The following ZNF536 variants were observed in gnomAD, a reference collection of about 807,000 sequenced individuals.
The protein encoded by ZNF536 is zinc finger protein 536.
A neutral mutation model predicts 84.5 loss-of-function variants in ZNF536; 13 were observed. That is an observed-to-expected ratio of 0.15 (90% CI 0.10 to 0.24). The LOEUF is 0.24. Among genes scored for constraint, ZNF536 ranks in the 10% least tolerant of loss-of-function variants. ZNF536 has a pLI of 1.00. For synonymous variants in ZNF536, 811 were observed against 742.5 expected (o/e 1.09, Z -1.50); for missense variants, 1,536 against 1,747.5 (o/e 0.88, Z 2.16).
At chr19:30,511,688 A>G (rs565981800) in intron 2 of ZNF536, among the ~76,000 whole-genome samples, 1 of 152,356 alleles carries the variant, frequency 6.6e-6, no homozygotes, top group African/African-American at 2.4e-5. Flanking sequence ...CACATGTAAA[A>G]TTTTAAATAT....
chr19:30,561,024 C>T (rs145980482), downstream of ZNF536, among the ~76,000 whole-genome samples: 1 of 152,196 alleles, frequency 6.6e-6, no homozygotes, highest in Non-Finnish European at 1.5e-5. Flanking sequence ...GTTTGTCTTT[C>T]ATGTTCTTTG....
At chr19:30,316,110 G>A (rs1449142172) in intron 2 of ZNF536, among the ~76,000 whole-genome samples, 1 of 152,162 alleles carries the variant, frequency 6.6e-6, no homozygotes, top group Non-Finnish European at 1.5e-5. Context: ...AAACAAGTTT[G>A]GGTATTTCTG....
chr19:30,618,912 T>G (rs1484655789), intron 1 of ZNF536, among the ~76,000 whole-genome samples: 2 of 152,154 alleles, frequency 1.3e-5, no homozygotes, highest in African/African-American at 4.8e-5. Context: ...CTTTGGGGTT[T>G]TGTTACTTTT....
At chr19:30,608,851 G>C (rs1256558898) in intron 1 of ZNF536, among the ~76,000 whole-genome samples, 1 of 152,194 alleles carries the variant, frequency 6.6e-6, no homozygotes. Context: ...TGCCTAAGGA[G>C]TGGGCATGGG....
intron 2 of ZNF536, among the ~76,000 whole-genome samples, chr19:30,530,914 C>G (rs969129181): frequency 6.6e-6 from 1 of 152,182 alleles, no homozygotes; most frequent in Non-Finnish European, 1.5e-5. Context: ...CACACACATC[C>G]TCACCAGCAC....
At chr19:30,497,203 G>C (rs974437844) in intron 2 of ZNF536, among the ~76,000 whole-genome samples, 3 of 152,158 alleles carry the variant, frequency 2.0e-5, no homozygotes, top group African/African-American at 7.2e-5. Flanking sequence ...TGAGCGGCTT[G>C]AGTCATCAAT....
chr19:30,644,082 T>C (rs572157215), intron 1 of ZNF536, among the ~76,000 whole-genome samples: 1 of 152,348 alleles, frequency 6.6e-6, no homozygotes, highest in Non-Finnish European at 1.5e-5. Context: ...GAGCCACAGA[T>C]AACAAGTGAG....
At chr19:30,314,592 T>G (rs908724242) in intron 2 of ZNF536, among the ~76,000 whole-genome samples, 6 of 152,112 alleles carry the variant, frequency 3.9e-5, no homozygotes, top group African/African-American at 1.4e-4. Context: ...GCTCAGCTGT[T>G]GGACTCATGT....
At chr19:30,699,334 T>G (rs971581685) in intron 1 of ZNF536, among the ~76,000 whole-genome samples, 1 of 152,206 alleles carries the variant, frequency 6.6e-6, no homozygotes, top group African/African-American at 2.4e-5. Context: ...CACATCTATA[T>G]TATAAATATG....
At chr19:30,454,138 G>A (rs1346761203) in intron 2 of ZNF536, among the ~76,000 whole-genome samples, 4 of 152,248 alleles carry the variant, frequency 2.6e-5, no homozygotes, top group African/African-American at 9.6e-5. Flanking sequence ...GAACCTTTCA[G>A]TTTTACTCTG....
intron 1 of ZNF536, among the ~76,000 whole-genome samples, chr19:30,606,161 A>T (rs1354938412): frequency 2.8e-5 from 3 of 108,822 alleles, no homozygotes; most frequent in African/African-American, 1.1e-4. Flanking sequence ...CTCTAAAAAT[A>T]AAATAAAATA....
chr19:30,673,570 T>C (rs2147754378), intron 1 of ZNF536, among the ~76,000 whole-genome samples: 1 of 152,234 alleles, frequency 6.6e-6, no homozygotes, highest in East Asian at 1.9e-4. Context: ...CAGGCACATC[T>C]TAAATAAAAG....
At chr19:30,357,373 G>A (rs914965258) in intron 3 of ZNF536, among the ~76,000 whole-genome samples, 5 of 152,324 alleles carry the variant, frequency 3.3e-5, no homozygotes, top group East Asian at 1.9e-4. Context: ...GTAGGCCAGC[G>A]TGGCCAGACA....
At position 30,548,989 on chromosome 19, in the gene ZNF536, T is replaced by A. The variant is rs2146230330; in HGVS notation, c.3370T>A (p.Ser1124Thr). The change falls in exon 4 of 5, where the codon TCA becomes ACA. Residue 1124 changes from serine to threonine, a missense_variant. Physicochemically the swap from Ser to Thr is moderately conservative, Grantham distance 58 (BLOSUM62 1). Transcript: ENST00000355537. ...QFGVYPGMVG[S>T]GASSSCPNKE... is the part of the protein sequence containing the mutation. ...TGGTGTTTACCCAGGCATGGTTGGC[T>A]CAGGGGCCTCCAGTTCCTGCCCCAA... 1 of 1,614,112 alleles carries A rather than the reference T, an allele frequency of 6.2e-7. No homozygotes were observed. The highest frequency in any genetic ancestry group is 8.5e-7 in the Non-Finnish European group (1 of 1,180,016).
chr19:30,508,390 C>T (rs1360598987), intron 2 of ZNF536, among the ~76,000 whole-genome samples: 1 of 152,182 alleles, frequency 6.6e-6, no homozygotes, highest in East Asian at 1.9e-4. Flanking sequence ...TTCTTCTGGT[C>T]ACTCTCCTTC....
chr19:30,483,972 C>A (rs971810395), intron 2 of ZNF536, among the ~76,000 whole-genome samples: 2 of 152,020 alleles, frequency 1.3e-5, no homozygotes, highest in Non-Finnish European at 2.9e-5. Context: ...GGAAATCCCC[C>A]TCTACCTCAC....
chr19:30,672,430 C>T (rs1157035209), intron 1 of ZNF536, among the ~76,000 whole-genome samples: 5 of 152,184 alleles, frequency 3.3e-5, no homozygotes, highest in African/African-American at 4.8e-5. Context: ...GCTAAGAGGG[C>T]TTTGAGAGCT....
At chr19:30,553,535 G>A (rs1190933016) in intron 4 of ZNF536, among the ~76,000 whole-genome samples, 1 of 152,194 alleles carries the variant, frequency 6.6e-6, no homozygotes, top group Non-Finnish European at 1.5e-5. Context: ...GTGGACCCAG[G>A]GGTAGGCAGG....
chr19:30,272,686 G>A (rs972506782), intron 1 of ZNF536, among the ~76,000 whole-genome samples: 1 of 152,154 alleles, frequency 6.6e-6, no homozygotes, highest in East Asian at 1.9e-4. Flanking sequence ...TTTAACATTG[G>A]CTTCTTTCAC....
Sources: gnomAD v4.1 joint callset for allele counts (sites outside exome capture counted in the v4.1 genomes callset) on GRCh38, gnomAD v4.1.1 for gene constraint, MANE v1.5 for transcripts, NCBI Gene and HGNC (gene_info 2026-07-23, HGNC 2026-07-21) for gene names.